BDKRB2: variants seen among roughly 807,000 people sequenced by gnomAD.
The protein encoded by BDKRB2 is B2 bradykinin receptor.
Under a neutral mutation model 4.0 loss-of-function variants are expected in BDKRB2, and 6 were observed. The ratio of observed to expected loss-of-function variants is 1.49; its 90% CI spans 0.81 to 2.93. The LOEUF (loss-of-function observed/expected upper bound fraction) is 2.93, where lower values mean the gene tolerates loss of function less well. Among genes scored for constraint, BDKRB2 ranks in the 30% most tolerant of loss-of-function variants. BDKRB2 has a pLI of 0.00. For synonymous variants in BDKRB2, 225 were observed against 215.3 expected (o/e 1.05, Z -0.40); for missense variants, 478 against 520.1 (o/e 0.92, Z 0.79).
intron 2 of BDKRB2, among the ~76,000 whole-genome samples, chr14:96,237,417 G>A (rs1285492780): frequency 6.6e-6 from 1 of 152,196 alleles, no homozygotes; most frequent in Non-Finnish European, 1.5e-5. Context: ...CACATTCCTG[G>A]TTGTCATATG....
chr14:96,213,533 C>CGT (rs1890351920), intron 1 of BDKRB2, among the ~76,000 whole-genome samples: 1 of 150,822 alleles, frequency 6.6e-6, no homozygotes, highest in Admixed American at 6.6e-5. Flanking sequence ...CACACACACA[C>CGT]GTGTACACAC....
intron 1 of BDKRB2, among the ~76,000 whole-genome samples, chr14:96,206,341 C>G (rs1163412824): frequency 2.6e-5 from 4 of 152,160 alleles, no homozygotes. Context: ...CACTCCAAGC[C>G]TCTCACTGCA....
At chr14:96,210,449 A>G (rs1959051) in intron 1 of BDKRB2, among the ~76,000 whole-genome samples, 133,850 of 152,276 alleles carry the variant, frequency 0.88, 59,028 homozygotes, top group East Asian at 0.98. Flanking sequence ...TCTTGCTTTT[A>G]TGCTGTACCT....
At chr14:96,227,296 T>C (rs76376555) in intron 1 of BDKRB2, among the ~76,000 whole-genome samples, 2,779 of 152,344 alleles carry the variant, frequency 0.018, 70 homozygotes, top group African/African-American at 0.057. Context: ...ATCATTAATG[T>C]ACTTTGTGCT....
At chr14:96,205,491 TG>T (rs1229970680) in intron 1 of BDKRB2, among the ~76,000 whole-genome samples, 16 of 61,904 alleles carry the variant, frequency 2.6e-4, no homozygotes, top group Middle Eastern at 9.3e-3. Flanking sequence ...CAGGCGGGGG[TG>T]GGGGGGTTTG....
At chr14:96,223,892 T>A (rs1170780115) in intron 1 of BDKRB2, among the ~76,000 whole-genome samples, 2 of 151,810 alleles carry the variant, frequency 1.3e-5, no homozygotes, top group African/African-American at 4.8e-5. Context: ...CAACCCAATG[T>A]GTAAAGTCAT....
intron 1 of BDKRB2, among the ~76,000 whole-genome samples, chr14:96,216,580 A>G (rs1297340356): frequency 6.6e-6 from 1 of 151,708 alleles, no homozygotes; most frequent in East Asian, 1.9e-4. Context: ...TTATAATTGT[A>G]CCACTGCACT....
chr14:96,226,003 C>G (rs576792783), intron 1 of BDKRB2, among the ~76,000 whole-genome samples: 32 of 152,324 alleles, frequency 2.1e-4, no homozygotes, highest in African/African-American at 7.7e-4. Context: ...CTGGACACAC[C>G]CAGCTACGGC....
At chr14:96,240,379 A>T (rs2139799856) in intron 2 of BDKRB2, 24 bp from the exon 3 acceptor site, 2 of 1,422,596 alleles carry the variant, frequency 1.4e-6, no homozygotes, top group African/African-American at 2.9e-5. Context: ...GAGGGGTAAC[A>T]GCCTCTTTTC....
intron 1 of BDKRB2, among the ~76,000 whole-genome samples, chr14:96,222,504 G>T (rs1890597934): frequency 6.6e-6 from 1 of 151,984 alleles, no homozygotes; most frequent in African/African-American, 2.4e-5. Flanking sequence ...TAGAACAAAA[G>T]ATGTGCCTAT....
At chr14:96,210,500 G>A (rs1177997972) in intron 1 of BDKRB2, among the ~76,000 whole-genome samples, 1 of 152,202 alleles carries the variant, frequency 6.6e-6, no homozygotes, top group African/African-American at 2.4e-5. Flanking sequence ...ACAGACTTGA[G>A]TGTGAGGAGC....
chr14:96,239,916 G>A (rs1885226541), intron 2 of BDKRB2: 6 of 986,078 alleles, frequency 6.1e-6, no homozygotes, highest in Non-Finnish European at 6.0e-6. Context: ...AGGCAGATGG[G>A]CTGGCCATGG....
intron 1 of BDKRB2, among the ~76,000 whole-genome samples, chr14:96,231,507 C>G (rs951178376): frequency 2.0e-5 from 3 of 152,160 alleles, no homozygotes; most frequent in African/African-American, 7.2e-5. Context: ...TCCGCCACCC[C>G]CTGCCTGCTG....
chr14:96,208,057 G>T (rs952441299), intron 1 of BDKRB2, among the ~76,000 whole-genome samples: 1 of 152,134 alleles, frequency 6.6e-6, no homozygotes, highest in Non-Finnish European at 1.5e-5. Context: ...TCCTCCAACT[G>T]CCCCCACTGA....
At chr14:96,238,745 C>T (rs561557155) in intron 2 of BDKRB2, 1 of 985,576 alleles carries the variant, frequency 1.0e-6, no homozygotes, top group Non-Finnish European at 1.2e-6. Flanking sequence ...TCTTATCCTT[C>T]AAGACCCAGC....
chr14:96,229,519 A>C (rs1440672793), intron 1 of BDKRB2, among the ~76,000 whole-genome samples: 4 of 152,156 alleles, frequency 2.6e-5, no homozygotes, highest in Non-Finnish European at 5.9e-5. Context: ...GTTGAGGACA[A>C]GCTTCCTTAG....
chr14:96,231,180 G>A (rs1385162729), intron 1 of BDKRB2, among the ~76,000 whole-genome samples: 4 of 152,334 alleles, frequency 2.6e-5, no homozygotes, highest in East Asian at 3.9e-4. Flanking sequence ...AAAGCAGGAT[G>A]GATGAGGGGC....
chr14:96,228,413 G>A (rs1890747335), intron 1 of BDKRB2, among the ~76,000 whole-genome samples: 1 of 152,172 alleles, frequency 6.6e-6, no homozygotes, highest in Non-Finnish European at 1.5e-5. Context: ...GGACTTGAAG[G>A]ATGGTGAATG....
intron 1 of BDKRB2, among the ~76,000 whole-genome samples, chr14:96,214,416 C>T (rs948196566): frequency 3.9e-5 from 6 of 152,160 alleles, no homozygotes; most frequent in African/African-American, 1.4e-4. Flanking sequence ...GGGATGACCA[C>T]ACTGGATCCT....
Sources: allele counts gnomAD v4.1 joint callset (sites outside exome capture counted in the v4.1 genomes callset), GRCh38; gene constraint gnomAD v4.1.1; transcripts MANE v1.5; gene names NCBI Gene and HGNC (gene_info 2026-07-23, HGNC 2026-07-21).